JARID2: variants seen among roughly 807,000 people sequenced by gnomAD.
JARID2 encodes protein Jumonji.
A neutral mutation model predicts 125.6 loss-of-function variants in JARID2; 21 were observed. The observed-to-expected ratio is 0.17, with a 90% CI of 0.12 to 0.24. JARID2 has a LOEUF of 0.24. JARID2 is among the 10% of genes least tolerant of loss of function. The pLI is 1.00. For missense variants in JARID2, 1,303 were observed against 1,639.6 expected (o/e 0.79, Z 3.55); for synonymous variants, 736 against 661.6 (o/e 1.11, Z -1.73).
intron 3 of JARID2, among the ~76,000 whole-genome samples, chr6:15,438,354 C>G (rs1461689719): frequency 6.6e-6 from 1 of 152,114 alleles, no homozygotes; most frequent in Non-Finnish European, 1.5e-5. Flanking sequence ...TGCCTGTCAC[C>G]CACATCTTTA....
chr6:15,455,721 G>C (rs1048233421), intron 4 of JARID2, among the ~76,000 whole-genome samples: 1 of 151,986 alleles, frequency 6.6e-6, no homozygotes, highest in African/African-American at 2.4e-5. Context: ...TAGTAGAGAC[G>C]GGGTTTCACC....
chr6:15,396,442 G>T (rs1296336475), intron 2 of JARID2, among the ~76,000 whole-genome samples: 2 of 152,114 alleles, frequency 1.3e-5, no homozygotes, highest in Non-Finnish European at 2.9e-5. Context: ...AAGGTTTTTA[G>T]TGCAAGGTGT....
chr6:15,364,137 C>G (rs1015419479), intron 1 of JARID2, among the ~76,000 whole-genome samples: 1 of 151,566 alleles, frequency 6.6e-6, no homozygotes, highest in South Asian at 2.1e-4. Context: ...ATTGTTCAAC[C>G]AAAAAAGCCA....
chr6:15,520,019 C>T, intron 17 of JARID2, 50 bp from the exon 18 acceptor site: 1 of 1,511,814 alleles, frequency 6.6e-7, no homozygotes, highest in African/African-American at 1.4e-5. Flanking sequence ...AGGGACAGAG[C>T]TCTTGTTAAT....
At chr6:15,372,644 G>C (rs1048379969) in intron 1 of JARID2, among the ~76,000 whole-genome samples, 12 of 151,410 alleles carry the variant, frequency 7.9e-5, no homozygotes, top group African/African-American at 2.9e-4. Flanking sequence ...ATGAGCCACT[G>C]CGCCAAGCCG....
intron 1 of JARID2, among the ~76,000 whole-genome samples, chr6:15,373,646 C>T (rs1289137123): frequency 6.6e-6 from 1 of 152,174 alleles, no homozygotes; most frequent in Non-Finnish European, 1.5e-5. Flanking sequence ...ATGCACAGCA[C>T]CCATATCTGC....
intron 3 of JARID2, among the ~76,000 whole-genome samples, chr6:15,440,505 G>A (rs1767400406): frequency 6.6e-6 from 1 of 152,218 alleles, no homozygotes; most frequent in Non-Finnish European, 1.5e-5. Context: ...ATGGTACCAT[G>A]TGCAGTGTTG....
chr6:15,248,335 G>A (rs1408759188), intron 1 of JARID2, among the ~76,000 whole-genome samples: 3 of 146,160 alleles, frequency 2.1e-5, no homozygotes, highest in East Asian at 2.0e-4. Context: ...GGCGGGCACC[G>A]GTCTACCCGG....
intron 2 of JARID2, chr6:15,400,809 G>A: frequency 8.0e-6 from 10 of 1,246,772 alleles, no homozygotes; most frequent in East Asian, 5.7e-5. Flanking sequence ...ATTGCCGCGC[G>A]GAATCTGCAC....
chr6:15,265,871 C>T (rs188800484), intron 1 of JARID2, among the ~76,000 whole-genome samples: 1 of 152,284 alleles, frequency 6.6e-6, no homozygotes, highest in East Asian at 1.9e-4. Context: ...CTTCTCCACT[C>T]AGGGGTCTCT....
intron 5 of JARID2, among the ~76,000 whole-genome samples, chr6:15,482,953 A>G (rs1769694853): frequency 6.6e-6 from 1 of 152,232 alleles, no homozygotes; most frequent in African/African-American, 2.4e-5. Context: ...GTACATCATC[A>G]AAGAATTTCT....
rs1178664568 is a variant in JARID2, at chr6:15,497,091, C to T, written c.1866C>T (p.Gly622=). 4 of 1,588,196 alleles carry T rather than the reference C, an allele frequency of 2.5e-6. No individual in the cohort carries two copies. The African/African-American group carries it at 4.0e-5, about 16-fold the overall frequency. ...TCCACAAGCTGGGCCGGCGCTGGGG[C>T]CCCAACGTGCAGCGGCTGGCCTGCA... ...QHIHKLGRRW[G]PNVQRLACIK... The change falls in exon 7 of 18, where the codon GGC becomes GGT. Residue 622 remains glycine (G), a synonymous_variant. Transcript: ENST00000341776.
intron 1 of JARID2, among the ~76,000 whole-genome samples, chr6:15,323,268 A>G (rs1762418586): frequency 6.6e-6 from 1 of 152,206 alleles, no homozygotes; most frequent in African/African-American, 2.4e-5. Flanking sequence ...TGAACTGTGT[A>G]GGATTAGCTG....
At chr6:15,246,632 G>GTCAA in intron 1 of JARID2, 48 bp downstream of exon 1, 1 of 1,428,944 alleles carries the variant, frequency 7.0e-7, no homozygotes, top group Non-Finnish European at 9.9e-7. Context: ...TTTAAGCAAT[G>GTCAA]GCTGTGAATG....
intron 7 of JARID2, 36 bp from the exon 8 acceptor site, chr6:15,500,871 C>T: frequency 6.4e-7 from 1 of 1,555,328 alleles, no homozygotes; most frequent in African/African-American, 1.4e-5. Context: ...GTCTCTTTCA[C>T]TAACTGTCCC....
intron 5 of JARID2, among the ~76,000 whole-genome samples, chr6:15,479,342 T>G (rs1769502663): frequency 1.3e-5 from 2 of 152,236 alleles, no homozygotes; most frequent in African/African-American, 2.4e-5. Flanking sequence ...GACCTTTATA[T>G]TCTCATAAAA....
intron 1 of JARID2, among the ~76,000 whole-genome samples, chr6:15,306,328 C>A (rs1337936700): frequency 1.0e-5 from 1 of 99,254 alleles, no homozygotes. Flanking sequence ...AGTCATATTT[C>A]TTTTTTTTTT....
At chr6:15,267,652 G>A (rs1192500543) in intron 1 of JARID2, among the ~76,000 whole-genome samples, 1 of 152,148 alleles carries the variant, frequency 6.6e-6, no homozygotes, top group African/African-American at 2.4e-5. Flanking sequence ...CCTGTCTTCA[G>A]AAGTCCGGTG....
At chr6:15,317,918 G>A (rs1762230737) in intron 1 of JARID2, among the ~76,000 whole-genome samples, 1 of 152,222 alleles carries the variant, frequency 6.6e-6, no homozygotes, top group Admixed American at 6.5e-5. Context: ...GTTTGTTGCT[G>A]GCCAGCAGTG....
Sources: allele counts gnomAD v4.1 joint callset (sites outside exome capture counted in the v4.1 genomes callset), GRCh38; gene constraint gnomAD v4.1.1; transcripts MANE v1.5; gene names NCBI Gene and HGNC (gene_info 2026-07-23, HGNC 2026-07-21).